SLC2A13: variants seen among roughly 807,000 people sequenced by gnomAD.
SLC2A13 encodes the protein proton myo-inositol cotransporter.
Under a neutral mutation model 64.4 loss-of-function variants are expected in SLC2A13, and 32 were observed. The observed-to-expected ratio is 0.50, with a 90% CI of 0.37 to 0.67. SLC2A13 has a LOEUF of 0.67. Among genes scored for constraint, SLC2A13 ranks in the 30% least tolerant of loss-of-function variants. The pLI, the probability that SLC2A13 is intolerant of heterozygous loss-of-function variation, is 0.00. For synonymous variants in SLC2A13, 338 were observed against 327.1 expected (o/e 1.03, Z -0.36); for missense variants, 743 against 829.2 (o/e 0.90, Z 1.28).
In SLC2A13 at chr12:39,880,547, A is replaced by G. The variant is rs529049437; in HGVS notation, c.1035-8586T>C. Among the ~76,000 whole-genome samples, 51 of 152,350 alleles carry G rather than the reference A, an allele frequency of 3.3e-4. 1 individual carries two copies. The South Asian group carries it at 0.01, about 31-fold the overall frequency. ...TATCATACTACCATTAAATCAAGCA[A>G]TGATACAAAAATCATAGAAACCTGC... On this transcript the variant is annotated intron_variant, in intron 4 of 9. Coordinates refer to ENST00000280871, the MANE Select transcript of SLC2A13 (RefSeq NM_052885.4).
chr12:40,102,321 C>T (rs1300667635), intron 1 of SLC2A13, among the ~76,000 whole-genome samples: 1 of 152,196 alleles, frequency 6.6e-6, no homozygotes, highest in East Asian at 1.9e-4. Flanking sequence ...TAAACTATTA[C>T]AACCAAAACC....
At chr12:40,061,878 C>T (rs1000139023) in intron 1 of SLC2A13, among the ~76,000 whole-genome samples, 1 of 151,056 alleles carries the variant, frequency 6.6e-6, no homozygotes, top group East Asian at 1.9e-4. Flanking sequence ...TTAGTCACTA[C>T]TCTTGAAAAA....
intron 3 of SLC2A13, among the ~76,000 whole-genome samples, chr12:40,017,203 C>T (rs1947634997): frequency 6.6e-6 from 1 of 152,190 alleles, no homozygotes; most frequent in Admixed American, 6.5e-5. Flanking sequence ...AAGTGCCTTG[C>T]TAACGTCAGG....
chr12:39,814,969 T>G (rs757738855), intron 7 of SLC2A13, among the ~76,000 whole-genome samples: 3 of 152,112 alleles, frequency 2.0e-5, no homozygotes, highest in Non-Finnish European at 4.4e-5. Flanking sequence ...TTATGAATTC[T>G]TCTTACACTT....
At chr12:39,829,368 A>T (rs1942784150) in intron 7 of SLC2A13, 1 of 148,246 alleles carries the variant, frequency 6.7e-6, no homozygotes. Flanking sequence ...AAGTTCCATA[A>T]AAGAATGTAA....
intron 1 of SLC2A13, among the ~76,000 whole-genome samples, chr12:40,080,719 G>T (rs1206802249): frequency 1.3e-5 from 2 of 152,164 alleles, no homozygotes; most frequent in Non-Finnish European, 1.5e-5. Context: ...GGTTAATATT[G>T]ATGTTAAGAT....
intron 4 of SLC2A13, 69 bp from the exon 5 acceptor site, chr12:39,872,030 A>C: frequency 7.4e-7 from 1 of 1,344,030 alleles, no homozygotes; most frequent in Non-Finnish European, 9.8e-7. Flanking sequence ...TTTGATAGAA[A>C]AAGATGTATT....
intron 3 of SLC2A13, among the ~76,000 whole-genome samples, chr12:40,009,802 G>A (rs1192307032): frequency 6.6e-6 from 1 of 152,154 alleles, no homozygotes; most frequent in African/African-American, 2.4e-5. Flanking sequence ...GTAGAGACAT[G>A]GGTCCTAAAA....
At chr12:40,019,534 C>T (rs898535727) in intron 3 of SLC2A13, among the ~76,000 whole-genome samples, 6 of 151,990 alleles carry the variant, frequency 3.9e-5, no homozygotes, top group African/African-American at 9.7e-5. Flanking sequence ...CCCAGTACAA[C>T]GTGGATTATA....
chr12:39,931,448 GC>G (rs1164459334), intron 4 of SLC2A13, among the ~76,000 whole-genome samples: 1 of 152,156 alleles, frequency 6.6e-6, no homozygotes, highest in African/African-American at 2.4e-5. Context: ...ACCTGCACCT[GC>G]ACCCAGAGAC....
intron 5 of SLC2A13, among the ~76,000 whole-genome samples, 185 bp downstream of exon 5, chr12:39,871,613 A>AC (rs748022759): frequency 1.4e-4 from 22 of 152,028 alleles, no homozygotes; most frequent in Non-Finnish European, 3.2e-4. Context: ...GTTTCTAGTC[A>AC]CGTAGCGTAA....
intron 3 of SLC2A13, among the ~76,000 whole-genome samples, chr12:39,975,561 T>G (rs1473219477): frequency 6.6e-6 from 1 of 152,206 alleles, no homozygotes; most frequent in Non-Finnish European, 1.5e-5. Flanking sequence ...TAATTAAAGC[T>G]TCCCATTGCC....
chr12:40,105,630 C>T lies in SLC2A13; in HGVS notation c.179G>A (p.Gly60Asp), dbSNP rs745713466. 7.4e-6 allele frequency: 11 copies of T among 1,482,732 alleles called. No homozygotes were observed. In the African/African-American group the frequency reaches 1.3e-4, roughly 18 times the overall value. 91.8% of individuals were successfully genotyped at this position (1,482,732 alleles called of 1,614,324 possible). The stretch of plus-strand genomic sequence containing the variant: ...CGCCGCGCGCTCCAGGTCCCCGACG[C>T]CGCCGCCGCCCGCGCCCGCGCTCTG... ...SLQSAGAGGG[G>D]VGDLERAARR... is the part of the protein sequence containing the mutation. The change falls in exon 1 of 10, where the codon GGC becomes GAC. Residue 60 changes from glycine (G) to aspartate (D), a missense_variant. By Grantham distance (94) the Gly-to-Asp change is moderately conservative (BLOSUM62 -1). This residue lies in a region of SLC2A13 where 448 missense variants were observed against 447.4 expected (regional missense o/e 1.00). Coordinates refer to ENST00000280871, the MANE Select transcript of SLC2A13 (RefSeq NM_052885.4). This position sits in a 1 kb window ranked among gnomAD's most constrained non-coding sequence, Gnocchi z 4.2.
Position 39,948,577 on chromosome 12 carries a change from G to A in SLC2A13, c.1034+2680C>T, listed in dbSNP as rs147408648. ...TGTATTTGTTTAATATTATCTTTCC[G>A]TATAATCTTTCTATAAACTCACCTT... On this transcript the variant is annotated intron_variant, in intron 4 of 9. Transcript: ENST00000280871. Among the ~76,000 whole-genome samples, 701 of 152,164 alleles carry A rather than the reference G, an allele frequency of 4.6e-3. 1 individual carries two copies. Among genetic ancestry groups the A allele is most frequent in the Non-Finnish European group, 7.3e-3 (495 of 67,948 alleles).
At chr12:40,002,563 CT>C (rs1947337365) in intron 3 of SLC2A13, among the ~76,000 whole-genome samples, 1 of 152,152 alleles carries the variant, frequency 6.6e-6, no homozygotes, top group Non-Finnish European at 1.5e-5. Flanking sequence ...CTCTAAAAGT[CT>C]TTTAAAAAGG....
chr12:39,943,385 G>C (rs1946076151), intron 4 of SLC2A13, among the ~76,000 whole-genome samples: 1 of 152,228 alleles, frequency 6.6e-6, no homozygotes, highest in Non-Finnish European at 1.5e-5. Context: ...CTCTGTTCCA[G>C]GAAGACGGGA....
intron 4 of SLC2A13, among the ~76,000 whole-genome samples, chr12:39,913,094 T>A (rs918150154): frequency 3.3e-5 from 5 of 151,920 alleles, no homozygotes; most frequent in African/African-American, 1.2e-4. Flanking sequence ...GGAGAGTAAA[T>A]ACCTTAGTAA....
At chr12:39,864,716 A>C (rs1378009630) in intron 6 of SLC2A13, 46 bp downstream of exon 6, 14 of 1,597,428 alleles carry the variant, frequency 8.8e-6, no homozygotes, top group Non-Finnish European at 1.2e-5. Context: ...CAAGCAAAAA[A>C]GTTACCAGAG....
chr12:39,923,694 GCGCACACACACACA>G (rs1461017608), intron 4 of SLC2A13, among the ~76,000 whole-genome samples: 16 of 137,258 alleles, frequency 1.2e-4, no homozygotes, highest in African/African-American at 2.5e-4. Flanking sequence ...ATATGCGCAC[GCGCACACACACACA>G]CACACACACA....
Sources: allele counts gnomAD v4.1 joint callset (sites outside exome capture counted in the v4.1 genomes callset), GRCh38; gene constraint gnomAD v4.1.1; regional missense constraint gnomAD v4.1.1; non-coding constraint Gnocchi (gnomAD v3.1); transcripts MANE v1.5; gene names NCBI Gene and HGNC (gene_info 2026-07-23, HGNC 2026-07-21).